The following SCAPER variants were observed in gnomAD, a reference collection of about 807,000 sequenced individuals.
SCAPER encodes the protein S phase cyclin A-associated protein in the endoplasmic reticulum.
SCAPER carries 98 observed loss-of-function variants against 182.2 expected under a neutral mutation model. The ratio of observed to expected loss-of-function variants is 0.54; its 90% confidence interval spans 0.46 to 0.64. SCAPER has a LOEUF of 0.64. Ranked by LOEUF, SCAPER falls within the 30% of genes least tolerant of loss-of-function variation. The probability of loss-of-function intolerance (pLI) is 0.00; values close to 1 mark genes in which losing one functional copy is unlikely to be tolerated. For missense variants in SCAPER, 1,432 were observed against 1,690.0 expected, an observed-to-expected ratio of 0.85 and a Z score of 2.68; for synonymous variants, 605 against 564.6, an observed-to-expected ratio of 1.07 and a Z score of -1.01.
At chr15:76,530,571 G>A (rs1368409963) in intron 23 of SCAPER, among the ~76,000 whole-genome samples, 1 of 152,062 alleles carries the variant, frequency 6.6e-6, no homozygotes, top group African/African-American at 2.4e-5. Context: ...ACCTCTTTGT[G>A]GTCACACTTA....
At chr15:76,802,259 A>C (rs980501887) in intron 6 of SCAPER, among the ~76,000 whole-genome samples, 40 of 152,336 alleles carry the variant, frequency 2.6e-4, no homozygotes, top group African/African-American at 9.4e-4. Flanking sequence ...CATGAGGATT[A>C]GACCCGGTAT....
intron 2 of SCAPER, among the ~76,000 whole-genome samples, chr15:76,876,757 T>C (rs2073193535): frequency 6.6e-6 from 1 of 152,112 alleles, no homozygotes; most frequent in Non-Finnish European, 1.5e-5. Context: ...TCATATATAA[T>C]GGTATAAAAC....
chr15:76,818,526 G>A (rs931421860), intron 5 of SCAPER, among the ~76,000 whole-genome samples: 2 of 152,144 alleles, frequency 1.3e-5, no homozygotes, highest in Non-Finnish European at 2.9e-5. Context: ...CAGACAGGGA[G>A]AAAATATTTG....
At chr15:76,429,496 T>C (rs967043427) in intron 26 of SCAPER, among the ~76,000 whole-genome samples, 1 of 152,292 alleles carries the variant, frequency 6.6e-6, no homozygotes, top group East Asian at 1.9e-4. Flanking sequence ...CAGGCTGAGC[T>C]GGTCTCAGAT....
Position 76,371,925 on chromosome 15 carries a change from AAAAT to A in SCAPER, c.3855+4233_3855+4236del, listed in dbSNP as rs1485627252. On this transcript the variant is annotated intron_variant, in intron 29 of 31. Coordinates refer to ENST00000563290, the MANE Select transcript of SCAPER (RefSeq NM_020843.4). Reference sequence around the variant, plus strand: ...AAGAGCGAAACTCTGTCTCAAAAAAAAAATAAATAAATATTATGCTTAGAAATAT... The same window carrying A: ...AAGAGCGAAACTCTGTCTCAAAAAAAAAATAAATATTATGCTTAGAAATAT... Among the ~76,000 whole-genome samples, 3 of 152,220 alleles carry A rather than the reference AAAAT, an allele frequency of 2.0e-5. No homozygotes were observed. The South Asian group carries it at 6.2e-4, about 32-fold the overall frequency.
chr15:76,351,437 C>T (rs1047518937), intron 30 of SCAPER, 149 bp from the exon 31 acceptor site: 13 of 567,344 alleles, frequency 2.3e-5, no homozygotes, highest in Admixed American at 1.1e-4. Context: ...ACTGATGTTA[C>T]GTAGTGCAGG....
chr15:76,882,402 A>C (rs187542543), intron 2 of SCAPER, among the ~76,000 whole-genome samples: 31 of 152,166 alleles, frequency 2.0e-4, no homozygotes, highest in Admixed American at 1.9e-3. Flanking sequence ...GAAGAAAAAA[A>C]AAAAGATATT....
chr15:76,587,727 C>T (rs2048772801), intron 22 of SCAPER, among the ~76,000 whole-genome samples: 1 of 152,016 alleles, frequency 6.6e-6, no homozygotes, highest in South Asian at 2.1e-4. Flanking sequence ...GATAAATTTC[C>T]ATACAACTGA....
At chr15:76,382,236 GT>G (rs1200620936) in intron 27 of SCAPER, among the ~76,000 whole-genome samples, 3 of 152,150 alleles carry the variant, frequency 2.0e-5, no homozygotes, top group African/African-American at 4.8e-5. Flanking sequence ...ACCATGGCAG[GT>G]AATGTTACAG....
intron 21 of SCAPER, among the ~76,000 whole-genome samples, chr15:76,627,267 C>T (rs1326546243): frequency 6.6e-6 from 1 of 151,844 alleles, no homozygotes; most frequent in Non-Finnish European, 1.5e-5. Context: ...GAAATTAAAC[C>T]TCTATTTTTT....
intron 2 of SCAPER, among the ~76,000 whole-genome samples, chr15:76,867,921 G>C (rs1401798356): frequency 6.6e-6 from 1 of 152,006 alleles, no homozygotes; most frequent in Non-Finnish European, 1.5e-5. Context: ...TCCAGGTCTG[G>C]GTTTGCTTTT....
rs535215952 is a variant in SCAPER, at chr15:76,814,708, AT to A, written c.394-10076del. Among the ~76,000 whole-genome samples the A allele has an allele frequency of 2.6e-4, 40 of 152,240 alleles. No individual in the cohort carries two copies. In the East Asian group the frequency reaches 7.7e-3, roughly 29 times the overall value. On this transcript the variant is annotated intron_variant, in intron 5 of 31. Coordinates refer to ENST00000563290, the MANE Select transcript of SCAPER (RefSeq NM_020843.4). The stretch of plus-strand genomic sequence containing the variant: ...TCCTTAATAGTGACCTCAAGCAATA[AT>A]TTTTTTGGTATCACACCAAAAATTC...
At chr15:76,667,200 A>T (rs1192834245) in intron 20 of SCAPER, among the ~76,000 whole-genome samples, 2 of 152,140 alleles carry the variant, frequency 1.3e-5, no homozygotes, top group Non-Finnish European at 2.9e-5. Flanking sequence ...GCCAGTGGCC[A>T]ATGTTCAGTT....
intron 20 of SCAPER, among the ~76,000 whole-genome samples, chr15:76,701,095 T>TAAA (rs5813845): frequency 2.1e-5 from 3 of 143,664 alleles, no homozygotes; most frequent in Non-Finnish European, 3.0e-5. Flanking sequence ...ATGCCATACC[T>TAAA]AAAAAAAAAA....
chr15:76,581,535 T>A (rs1345066171), intron 22 of SCAPER, among the ~76,000 whole-genome samples: 1 of 152,206 alleles, frequency 6.6e-6, no homozygotes, highest in African/African-American at 2.4e-5. Context: ...ATACATCATA[T>A]CAACAGAATG....
Position 76,698,165 on chromosome 15 carries a change from A to C in SCAPER, c.2508+3593T>G, listed in dbSNP as rs547153458. On this transcript the variant is annotated intron_variant, in intron 20 of 31. Coordinates refer to ENST00000563290, the MANE Select transcript of SCAPER (RefSeq NM_020843.4). ...ATACGATTTGAGTAAAAGGCAGAAA[A>C]TTATTTGAGGCAAACTAGATTATTA... Among the ~76,000 whole-genome samples, 5 of 152,164 alleles carry C rather than the reference A, an allele frequency of 3.3e-5. No homozygotes were observed. In the East Asian group the frequency reaches 9.6e-4, roughly 29 times the overall value.
chr15:76,840,957 T>C (rs564085109), intron 5 of SCAPER, among the ~76,000 whole-genome samples: 107 of 152,322 alleles, frequency 7.0e-4, no homozygotes, highest in Admixed American at 1.8e-3. Flanking sequence ...CACTTTTCCC[T>C]GACCAAAGTG....
At chr15:76,479,870 T>G (rs1261362787) in intron 24 of SCAPER, among the ~76,000 whole-genome samples, 1 of 152,190 alleles carries the variant, frequency 6.6e-6, no homozygotes, top group African/African-American at 2.4e-5. Context: ...TTTCACAAAA[T>G]CTACATGGGG....
At chr15:76,682,288 G>C (rs527514306) in intron 20 of SCAPER, among the ~76,000 whole-genome samples, 2 of 127,682 alleles carry the variant, frequency 1.6e-5, no homozygotes, top group Admixed American at 1.8e-4. Context: ...CACAGTGTAC[G>C]TGTGAGCATG....
Sources: gnomAD v4.1 joint callset for allele counts (sites outside exome capture counted in the v4.1 genomes callset) on GRCh38, gnomAD v4.1.1 for gene constraint, MANE v1.5 for transcripts, NCBI Gene and HGNC (gene_info 2026-07-23, HGNC 2026-07-21) for gene names.